The following TRIM68 variants were observed in gnomAD, a reference collection of about 807,000 sequenced individuals.
TRIM68 encodes tripartite motif containing 68.
In TRIM68, 36 loss-of-function variants were observed where a neutral mutation model predicts 41.9. The observed-to-expected ratio is 0.86, with a 90% CI of 0.66 to 1.14. TRIM68 has a LOEUF of 1.14. Among genes scored for constraint, TRIM68 ranks in the 50% most tolerant of loss-of-function variants. The pLI, the probability that TRIM68 is intolerant of heterozygous loss-of-function variation, is 0.00. For missense variants in TRIM68, 632 were observed against 605.1 expected, an observed-to-expected ratio of 1.04 and a Z score of -0.47; for synonymous variants, 225 against 224.6, an observed-to-expected ratio of 1.00 and a Z score of -0.02.
In TRIM68 at chr11:4,603,292, C is replaced by A. The variant is rs771788030; in HGVS notation, c.475G>T (p.Ala159Ser). ...LEHLKKEQEE[A>S]WKLEVGERKR... ...CTTTCACCAACTTCAAGCTTCCAGG[C>A]CTCTTCTTGCTCTTTCTTCAGATGT... Residue 159 changes from alanine (A) to serine (S), a missense_variant, in exon 3 of 7, where the codon GCC (alanine) becomes TCC (serine). Coordinates refer to ENST00000300747, the MANE Select transcript of TRIM68 (RefSeq NM_018073.8). 6.2e-7 allele frequency: 1 copy of A among 1,614,262 alleles called. No homozygotes were observed. Among genetic ancestry groups the A allele is most frequent in the South Asian group, 1.1e-5 (1 of 91,092 alleles).
Position 4,600,189 on chromosome 11 carries a change from A to G in TRIM68, c.*87T>C. 3.7e-6 allele frequency: 5 copies of G among 1,350,038 alleles called. No homozygotes were observed. The highest frequency in any genetic ancestry group is 5.0e-6 in the Non-Finnish European group (5 of 992,678). The allele number at this position is 1,350,038 out of a possible 1,614,324, so 83.6% of individuals were successfully genotyped here. ...TGGATACTGGGCTCAGCTCAGTTTC[A>G]GGGGATACCTGTCAGTGGCTCGGTC... On this transcript the variant is annotated 3_prime_UTR_variant, in exon 7 of 7. Transcript: ENST00000300747.
chr11:4,600,790 C>T lies in TRIM68; in HGVS notation c.944G>A (p.Arg315His), dbSNP rs757558772. 14 of 1,613,930 alleles carry T rather than the reference C, an allele frequency of 8.7e-6. No individual in the cohort carries two copies. The highest frequency in any genetic ancestry group is 1.6e-4 in the Middle Eastern group (1 of 6,062). The change falls in exon 7 of 7, where the codon CGT becomes CAT. Residue 315 changes from arginine (R) to histidine (H), a missense_variant. Coordinates refer to ENST00000300747, the MANE Select transcript of TRIM68 (RefSeq NM_018073.8). ...VRLDPDTAYS[R>H]LIVSEDRKRV... ...TTTTCTGTCCTCAGACACGATGAGA[C>T]GGGAGTAAGCAGTATCTGGATCCAA... is the stretch of plus-strand genomic sequence containing the variant.
At chr11:4,607,703 C>A in intron 1 of TRIM68, among the ~76,000 whole-genome samples, 1 of 152,236 alleles carries the variant, frequency 6.6e-6, no homozygotes, top group East Asian at 1.9e-4. Context: ...CAAAATAAGA[C>A]CTGCTTTAAT....
intron 3 of TRIM68, 101 bp from the exon 4 acceptor site, chr11:4,602,513 C>A: frequency 6.8e-7 from 1 of 1,462,426 alleles, no homozygotes; most frequent in South Asian, 1.3e-5. Context: ...GTACCAACCA[C>A]GTGACAGGCT....
chr11:4,601,719 TA>T (rs1318315950), intron 4 of TRIM68, 33 bp from the exon 5 acceptor site: 2 of 1,612,378 alleles, frequency 1.2e-6, no homozygotes, highest in Admixed American at 3.3e-5. Context: ...AGCATCTGAG[TA>T]AGTGCTATTC....
chr11:4,607,426 TAA>T (rs1846585548), intron 1 of TRIM68, among the ~76,000 whole-genome samples: 1 of 152,302 alleles, frequency 6.6e-6, no homozygotes, highest in African/African-American at 2.4e-5. Flanking sequence ...GTAGAGACAT[TAA>T]GAGACACCAT....
At chr11:4,605,016 T>G in intron 2 of TRIM68, 63 bp downstream of exon 2, 2 of 1,568,232 alleles carry the variant, frequency 1.3e-6, no homozygotes, top group Non-Finnish European at 1.7e-6. Flanking sequence ...GTCAAGCCCT[T>G]GATCTAGAAA....
chr11:4,603,595 A>G lies in TRIM68; in HGVS notation c.427-255T>C, dbSNP rs566595069. On this transcript the variant is annotated intron_variant, in intron 2 of 6. Coordinates refer to ENST00000300747, the MANE Select transcript of TRIM68 (RefSeq NM_018073.8). The stretch of plus-strand genomic sequence containing the variant: ...AAGGTCCATTTACAACCTCTCCACA[A>G]AAGTACCTTGGACTTTCCTTTCCAT... Among the ~76,000 whole-genome samples the G allele has an allele frequency of 5.3e-5, 8 of 152,272 alleles. No individual in the cohort carries two copies. In the East Asian group the frequency reaches 1.5e-3, roughly 29 times the overall value.
In TRIM68 at chr11:4,600,713, A is replaced by G. The variant is rs1422819891; in HGVS notation, c.1021T>C (p.Phe341Leu). Residue 341 changes from phenylalanine (F) to leucine (L), a missense_variant, in exon 7 of 7, where the codon TTT becomes CTT. By Grantham distance (22) the Phe-to-Leu change is conservative. Transcript: ENST00000300747. ...NQKLPDNPER[F>L]YRYNIVLGSQ... is the part of the protein sequence containing the mutation. ...CCCAGGACGATATTATAGCGGTAAAATCTCTCAGGATTGTCTGGCAGTTTC... is the reference window on the plus strand; with the variant it reads ...CCCAGGACGATATTATAGCGGTAAAGTCTCTCAGGATTGTCTGGCAGTTTC... 6.2e-7 allele frequency: 1 copy of G among 1,614,016 alleles called. No homozygotes were observed. Among genetic ancestry groups the G allele is most frequent in the Admixed American group, 1.7e-5 (1 of 60,018 alleles).
In TRIM68 at chr11:4,601,011, C is replaced by T. The variant is rs973710282; in HGVS notation, c.907+16G>A. On this transcript the variant is annotated intron_variant, in intron 6 of 6. Coordinates refer to ENST00000300747, the MANE Select transcript of TRIM68 (RefSeq NM_018073.8). Reference sequence around the variant, plus strand: ...CCCTCCCACTGTCCACTACAGTCTCCCCCAGGATCCATTACCTGCATAAGT... The same window carrying T: ...CCCTCCCACTGTCCACTACAGTCTCTCCCAGGATCCATTACCTGCATAAGT... 1 of 1,612,056 alleles carries T rather than the reference C, an allele frequency of 6.2e-7. No individual in the cohort carries two copies. The highest frequency in any genetic ancestry group is 8.5e-7 in the Non-Finnish European group (1 of 1,178,100).
chr11:4,600,458 A>G lies in TRIM68; in HGVS notation c.1276T>C (p.Phe426Leu), dbSNP rs747729887. Residue 426 changes from phenylalanine (F) to leucine (L), a missense_variant, in exon 7 of 7, where the codon TTC becomes CTC. Transcript: ENST00000300747. ...LPVPPRRVGI[F>L]VDYEAHDISF... ...ATGTCATGGGCCTCATAATCCACGA[A>G]GATTCCCACCCGGCGAGGAGGGACC... 5 of 1,613,738 alleles carry G rather than the reference A, an allele frequency of 3.1e-6. No homozygotes were observed. Among genetic ancestry groups the G allele is most frequent in the Non-Finnish European group, 4.2e-6 (5 of 1,179,828 alleles).
In TRIM68 at chr11:4,605,327, A is replaced by G. The variant is rs747379837; in HGVS notation, c.178T>C (p.Cys60Arg). 1 of 1,614,272 alleles carries G rather than the reference A, an allele frequency of 6.2e-7. No individual in the cohort carries two copies. Among genetic ancestry groups the G allele is most frequent in the Non-Finnish European group, 8.5e-7 (1 of 1,180,050 alleles). The change falls in exon 2 of 7, where the codon TGT becomes CGT. Residue 60 changes from cysteine to arginine, a missense_variant. Cys to Arg is a radical substitution (Grantham distance 180). Coordinates refer to ENST00000300747, the MANE Select transcript of TRIM68 (RefSeq NM_018073.8). Reference protein sequence around the residue: ...SQNWGYTCPLCRAPVQPRNLR... With the variant: ...SQNWGYTCPLRRAPVQPRNLR... ...TTCCTTGGCTGGACAGGAGCTCGAC[A>G]GAGGGGACAGGTGTAACCCCAGTTC...
chr11:4,603,934 GTTAAAATA>G (rs1846531461), intron 2 of TRIM68, among the ~76,000 whole-genome samples: 1 of 152,082 alleles, frequency 6.6e-6, no homozygotes, highest in South Asian at 2.1e-4. Context: ...CAACTATTTT[GTTAAAATA>G]TATCAAGTGT....
At chr11:4,601,165 G>T in intron 5 of TRIM68, 38 bp from the exon 6 acceptor site, 1 of 1,533,318 alleles carries the variant, frequency 6.5e-7, no homozygotes, top group Non-Finnish European at 9.0e-7. Flanking sequence ...CAGGAGTCCC[G>T]GCTTTGTCAC....
intron 4 of TRIM68, chr11:4,601,941 G>A (rs1419452369): frequency 2.6e-6 from 2 of 784,182 alleles, no homozygotes; most frequent in African/African-American, 3.5e-5. Flanking sequence ...AGAGCTGCCT[G>A]AGCACTGCCC....
chr11:4,598,728 C>T lies in TRIM68; in HGVS notation c.*1548G>A, dbSNP rs1022021391. On this transcript the variant is annotated 3_prime_UTR_variant, in exon 7 of 7. Coordinates refer to ENST00000300747, the MANE Select transcript of TRIM68 (RefSeq NM_018073.8). The stretch of plus-strand genomic sequence containing the variant: ...TTTGGCCTATTTTAACTCCTACATA[C>T]ATGAACAGCCAATACAATTAAAGTA... 1 of 152,238 alleles carries T rather than the reference C, an allele frequency of 6.6e-6. No homozygotes were observed. The highest frequency in any genetic ancestry group is 1.5e-5 in the Non-Finnish European group (1 of 68,038). The allele number at this position is 152,238 out of a possible 1,614,324, so 9.4% of individuals were successfully genotyped here. A position where few individuals can be genotyped will look rare whatever the true frequency, so the allele number is the denominator to read the frequency against.
At position 4,601,211 on chromosome 11, in the gene TRIM68, G is replaced by A. The variant is rs1846485136; in HGVS notation, c.807-84C>T. On this transcript the variant is annotated intron_variant, in intron 5 of 6. Transcript: ENST00000300747. The stretch of plus-strand genomic sequence containing the variant: ...TCTTAGTACAGGGAAGAGGGGCTTG[G>A]CCAGGGACATAGTGAACCCCAGCAA... The A allele has an allele frequency of 7.6e-6, 8 of 1,052,976 alleles. No individual in the cohort carries two copies. In the East Asian group the frequency reaches 1.9e-4, roughly 25 times the overall value. 65.2% of individuals were successfully genotyped at this position (1,052,976 alleles called of 1,614,324 possible). A position where few individuals can be genotyped will look rare whatever the true frequency, so the allele number is the denominator to read the frequency against.
chr11:4,605,335 C>G lies in TRIM68; in HGVS notation c.170G>C (p.Cys57Ser), dbSNP rs1326318599. Residue 57 changes from cysteine to serine, a missense_variant, in exon 2 of 7, where the codon TGT becomes TCT. Physicochemically the swap from Cys to Ser is moderately radical, Grantham distance 112. Coordinates refer to ENST00000300747, the MANE Select transcript of TRIM68 (RefSeq NM_018073.8). Reference protein sequence around the residue: ...PGESQNWGYTCPLCRAPVQPR... With the variant: ...PGESQNWGYTSPLCRAPVQPR... Reference sequence around the variant, plus strand: ...CTGGACAGGAGCTCGACAGAGGGGACAGGTGTAACCCCAGTTCTGGGATTC... The same window carrying G: ...CTGGACAGGAGCTCGACAGAGGGGAGAGGTGTAACCCCAGTTCTGGGATTC... 1.9e-6 allele frequency: 3 copies of G among 1,614,246 alleles called. No homozygotes were observed. The highest frequency in any genetic ancestry group is 2.5e-6 in the Non-Finnish European group (3 of 1,180,048).
rs374597476 is a variant in TRIM68 at position 4,599,560 on chromosome 11, T to A, written c.*716A>T. 15 of 152,136 alleles carry A rather than the reference T, an allele frequency of 9.9e-5. No homozygotes were observed. Among genetic ancestry groups the A allele is most frequent in the African/African-American group, 1.7e-4 (7 of 41,396 alleles). 9.4% of individuals were successfully genotyped at this position (152,136 alleles called of 1,614,324 possible). Reference sequence around the variant, plus strand: ...AGTTTCCTCATTCATAAAGTGAAAATACAAACTAAAGCTCGCAGGTTTTCT... The same window carrying A: ...AGTTTCCTCATTCATAAAGTGAAAAAACAAACTAAAGCTCGCAGGTTTTCT... On this transcript the variant is annotated 3_prime_UTR_variant, in exon 7 of 7. Coordinates refer to ENST00000300747, the MANE Select transcript of TRIM68 (RefSeq NM_018073.8).
Sources: gnomAD v4.1 joint callset for allele counts (sites outside exome capture counted in the v4.1 genomes callset) on GRCh38, gnomAD v4.1.1 for gene constraint, MANE v1.5 for transcripts, NCBI Gene and HGNC (gene_info 2026-07-23, HGNC 2026-07-21) for gene names.